Variants in GARS1 observed in about 807,000 individuals in gnomAD.
GARS1 encodes glycyl-tRNA synthetase 1, also known as glycine--tRNA ligase.
A neutral mutation model predicts 86.4 loss-of-function variants in GARS1; 46 were observed. The ratio of observed to expected loss-of-function variants is 0.53; its 90% CI spans 0.42 to 0.68. The LOEUF (loss-of-function observed/expected upper bound fraction) is 0.68. Among genes scored for constraint, GARS1 ranks in the 30% least tolerant of loss-of-function variants. The pLI is 0.00. For synonymous variants in GARS1, 342 were observed against 329.8 expected (o/e 1.04, Z -0.40); for missense variants, 797 against 915.6 (o/e 0.87, Z 1.67).
intron 1 of GARS1, among the ~76,000 whole-genome samples, chr7:30,595,379 C>T (rs928282568): frequency 6.6e-6 from 1 of 152,202 alleles, no homozygotes; most frequent in African/African-American, 2.4e-5. Flanking sequence ...TCCCTGGAAC[C>T]CCTCCGACTT....
chr7:30,595,293 A>G, intron 1 of GARS1, 150 bp downstream of exon 1: 2 of 806,464 alleles, frequency 2.5e-6, no homozygotes, highest in South Asian at 3.2e-5. Context: ...CGCCTCCCCC[A>G]CTTTGGTCCC....
chr7:30,633,861 G>A lies in GARS1; in HGVS notation c.*1G>A, dbSNP rs1783284576. 2 of 1,590,542 alleles carry A rather than the reference G, an allele frequency of 1.3e-6. No homozygotes were observed. The highest frequency in any genetic ancestry group is 2.7e-5 in the African/African-American group (2 of 73,434). Reference sequence around the variant, plus strand: ...TAAAAAAGAGACAATCGAGGAATGAGGACAATTTTGACAACTTTTGACCAC... The same window carrying A: ...TAAAAAAGAGACAATCGAGGAATGAAGACAATTTTGACAACTTTTGACCAC... On this transcript the variant is annotated 3_prime_UTR_variant, in exon 17 of 17. Transcript: ENST00000389266.
chr7:30,632,262 G>C lies in GARS1; in HGVS notation c.1919G>C (p.Arg640Thr), dbSNP rs1219456989. The C allele has an allele frequency of 6.2e-7, 1 of 1,614,114 alleles. No individual in the cohort carries two copies. ...TTTTGGATAGCGGAAGCCCTGACCA[G>C]GCATGGAGTATCTCACAAAGTAGAC... ...FVKELSEALTRHGVSHKVDDS... is the reference protein window; with the variant it reads ...FVKELSEALTTHGVSHKVDDS... The change falls in exon 16 of 17, where the codon AGG becomes ACG. Residue 640 changes from arginine to threonine, a missense_variant. Arg to Thr is a moderately conservative substitution (Grantham distance 71). Coordinates refer to ENST00000389266, the MANE Select transcript of GARS1 (RefSeq NM_002047.4). This position sits in a 1 kb window ranked among gnomAD's most constrained non-coding sequence, Gnocchi z 4.1.
chr7:30,626,019 G>A (rs746683769), intron 12 of GARS1, among the ~76,000 whole-genome samples: 1 of 152,176 alleles, frequency 6.6e-6, no homozygotes, highest in Non-Finnish European at 1.5e-5. Context: ...AAAATTTGGT[G>A]TATGTCCTCA....
rs533103059 is a variant in GARS1 at position 30,603,692 on chromosome 7, T to G, written c.735+120T>G. Reference sequence around the variant, plus strand: ...TGGCCACATTGTAATGAAGCAGAGGTTAATTCTGTCCTGTATAGCGTCTCT... The same window carrying G: ...TGGCCACATTGTAATGAAGCAGAGGGTAATTCTGTCCTGTATAGCGTCTCT... On this transcript the variant is annotated intron_variant, in intron 6 of 16. Coordinates refer to ENST00000389266, the MANE Select transcript of GARS1 (RefSeq NM_002047.4). The G allele has an allele frequency of 7.8e-6, 6 of 767,162 alleles. No individual in the cohort carries two copies. In the East Asian group the frequency reaches 1.5e-4, roughly 20 times the overall value. The allele number at this position is 767,162 out of a possible 1,614,324, so 47.5% of individuals were successfully genotyped here. A position where few individuals can be genotyped will look rare whatever the true frequency, so the allele number is the denominator to read the frequency against.
At chr7:30,606,305 C>CTTTT (rs35302357) in intron 6 of GARS1, among the ~76,000 whole-genome samples, 3 of 127,546 alleles carry the variant, frequency 2.4e-5, no homozygotes, top group Non-Finnish European at 3.2e-5. Context: ...CATTGTTATT[C>CTTTT]TTTTTTTTTT....
At chr7:30,610,934 C>T (rs1347506642) in intron 7 of GARS1, among the ~76,000 whole-genome samples, 1 of 151,968 alleles carries the variant, frequency 6.6e-6, no homozygotes, top group Admixed American at 6.5e-5. Context: ...TATGTATAAA[C>T]TTTACTTACA....
rs1377845438 is a variant in GARS1, at chr7:30,616,109, A to G, written c.1194+51A>G. ...TAGATTGTGCCTGTTCAGGGTTTGCAGCAATTAGCAAATTCTATGTGTTCT... is the reference window on the plus strand; with the variant it reads ...TAGATTGTGCCTGTTCAGGGTTTGCGGCAATTAGCAAATTCTATGTGTTCT... On this transcript the variant is annotated intron_variant, in intron 9 of 16. Coordinates refer to ENST00000389266, the MANE Select transcript of GARS1 (RefSeq NM_002047.4). The G allele has an allele frequency of 3.1e-6, 5 of 1,591,188 alleles. No homozygotes were observed. In the Admixed American group the frequency reaches 8.3e-5, roughly 27 times the overall value.
intron 14 of GARS1, among the ~76,000 whole-genome samples, chr7:30,630,517 C>CTTTTTT (rs758530758): frequency 3.0e-4 from 39 of 130,988 alleles, no homozygotes; most frequent in African/African-American, 9.4e-4. Flanking sequence ...TTATTTTCGC[C>CTTTTTT]TTTTTTTTTT....
At position 30,633,911 on chromosome 7, in the gene GARS1, A is replaced by C. The variant is rs1284652781; in HGVS notation, c.*51A>C. The stretch of plus-strand genomic sequence containing the variant: ...CTTGCGCTAATAAAAAAAAAAAAAA[A>C]CTACTCTTATGTCCACTTTACAAAA... On this transcript the variant is annotated 3_prime_UTR_variant, in exon 17 of 17. Coordinates refer to ENST00000389266, the MANE Select transcript of GARS1 (RefSeq NM_002047.4). 2 of 1,125,634 alleles carry C rather than the reference A, an allele frequency of 1.8e-6. No individual in the cohort carries two copies. Among genetic ancestry groups the C allele is most frequent in the East Asian group, 4.9e-5 (2 of 40,556 alleles). The allele number at this position is 1,125,634 out of a possible 1,614,324, so 69.7% of individuals were successfully genotyped here.
chr7:30,611,210 A>C (rs1791591264), intron 7 of GARS1, among the ~76,000 whole-genome samples: 1 of 152,226 alleles, frequency 6.6e-6, no homozygotes, highest in African/African-American at 2.4e-5. Flanking sequence ...TCTGGTTGAA[A>C]ATATAAAATA....
intron 8 of GARS1, among the ~76,000 whole-genome samples, chr7:30,615,660 A>G (rs952454997): frequency 3.3e-5 from 5 of 152,192 alleles, no homozygotes; most frequent in African/African-American, 1.2e-4. Context: ...TGTACCCCAT[A>G]AATTTGTACA....
At chr7:30,626,352 C>A in intron 13 of GARS1, 33 bp downstream of exon 13, 1 of 1,287,810 alleles carries the variant, frequency 7.8e-7, no homozygotes, top group Non-Finnish European at 1.1e-6. Flanking sequence ...CAAAAAGTCA[C>A]TGCTCCTTAA....
chr7:30,613,133 A>G (rs1036498833), intron 8 of GARS1, among the ~76,000 whole-genome samples: 1 of 152,182 alleles, frequency 6.6e-6, no homozygotes, highest in African/African-American at 2.4e-5. Context: ...CAAAGCATCC[A>G]CAGCACCTGC....
intron 8 of GARS1, chr7:30,614,139 C>T (rs1782835882): frequency 6.6e-6 from 1 of 151,988 alleles, no homozygotes; most frequent in Non-Finnish European, 1.5e-5. Flanking sequence ...GATTTCAAGT[C>T]ACACAGTGTG....
chr7:30,599,877 A>T, intron 2 of GARS1, 70 bp from the exon 3 acceptor site: 1 of 989,142 alleles, frequency 1.0e-6, no homozygotes, highest in African/African-American at 1.6e-5. Flanking sequence ...GAATAAACTA[A>T]ATTCAGATAT....
Position 30,625,927 on chromosome 7 carries a change from A to G in GARS1, c.1614-307A>G, listed in dbSNP as rs569585939. On this transcript the variant is annotated intron_variant, in intron 12 of 16. Transcript: ENST00000389266. The stretch of plus-strand genomic sequence containing the variant: ...TTATTATTCTAAAACTGAATTTTCA[A>G]AAAGTTGTTTTTGGTTTTACCTTGA... 5.3e-5 allele frequency among the ~76,000 whole-genome samples: 8 copies of G among 152,364 alleles called. No individual in the cohort carries two copies. The East Asian group carries it at 1.3e-3, about 26-fold the overall frequency.
chr7:30,608,677 A>G lies in GARS1; in HGVS notation c.736-908A>G, dbSNP rs527489300. Among the ~76,000 whole-genome samples, 14 of 152,330 alleles carry G rather than the reference A, an allele frequency of 9.2e-5. No homozygotes were observed. The South Asian group carries it at 2.9e-3, about 32-fold the overall frequency. On this transcript the variant is annotated intron_variant, in intron 6 of 16. Transcript: ENST00000389266. Reference sequence around the variant, plus strand: ...TATAATTGCTCTTTATTGAGTAGTTATTATGTACCAGGTCCTGCCTGTGCT... The same window carrying G: ...TATAATTGCTCTTTATTGAGTAGTTGTTATGTACCAGGTCCTGCCTGTGCT...
chr7:30,605,559 C>A (rs1322568054), intron 6 of GARS1, among the ~76,000 whole-genome samples: 2 of 152,134 alleles, frequency 1.3e-5, no homozygotes, highest in African/African-American at 4.8e-5. Flanking sequence ...ACTCTGTAGC[C>A]CAGGCTGGAG....
Sources: gnomAD v4.1 joint callset for allele counts (sites outside exome capture counted in the v4.1 genomes callset) on GRCh38, gnomAD v4.1.1 for gene constraint, Gnocchi (gnomAD v3.1) non-coding constraint, MANE v1.5 for transcripts, NCBI Gene and HGNC (gene_info 2026-07-23, HGNC 2026-07-21) for gene names.